AGBL1: variants seen among roughly 807,000 people sequenced by gnomAD.
AGBL1 encodes the protein cytosolic carboxypeptidase 4.
A neutral mutation model predicts 118.9 loss-of-function variants in AGBL1; 130 were observed. That is an observed-to-expected ratio of 1.09 (90% CI 0.95 to 1.26). AGBL1 has a LOEUF of 1.26. Among genes scored for constraint, AGBL1 ranks in the 50% most tolerant of loss-of-function variants. AGBL1 has a pLI of 0.00. For synonymous variants in AGBL1, 555 were observed against 478.9 expected (o/e 1.16, Z -2.08); for missense variants, 1,584 against 1,298.1 (o/e 1.22, Z -3.38).
intron 17 of AGBL1, among the ~76,000 whole-genome samples, chr15:86,303,795 A>C (rs1044581638): frequency 6.6e-6 from 1 of 152,146 alleles, no homozygotes; most frequent in African/African-American, 2.4e-5. Context: ...TGATATAATG[A>C]TTTGCATATT....
At chr15:86,737,106 G>C (rs968413133) in intron 22 of AGBL1, among the ~76,000 whole-genome samples, 9 of 152,192 alleles carry the variant, frequency 5.9e-5, no homozygotes, top group Non-Finnish European at 1.2e-4. Context: ...TCAAATTGCT[G>C]ATAGAGAAGA....
At chr15:86,756,943 CTT>C (rs11383287) in intron 22 of AGBL1, among the ~76,000 whole-genome samples, 12 of 142,850 alleles carry the variant, frequency 8.4e-5, no homozygotes, top group East Asian at 2.1e-4. Context: ...ATAAACATGT[CTT>C]TTTTTTTTTT....
At chr15:86,959,680 ACTTTTTCTCTCCTTTCTTACTCTTTCCTT>A (rs1243414223) in intron 23 of AGBL1, among the ~76,000 whole-genome samples, 14 of 151,972 alleles carry the variant, frequency 9.2e-5, no homozygotes, top group Non-Finnish European at 2.9e-5. Context: ...AGCTTCTGTC[ACTTTTTCTCTCCTTTCTTACTCTTTCCTT>A]CTTTTTCTCT....
chr15:86,637,524 G>C (rs947520429), intron 21 of AGBL1, among the ~76,000 whole-genome samples: 1 of 152,160 alleles, frequency 6.6e-6, no homozygotes, highest in African/African-American at 2.4e-5. Context: ...GGAACTTAAA[G>C]GCGTGTTAAT....
chr15:86,683,762 T>G (rs2086004756), intron 22 of AGBL1, among the ~76,000 whole-genome samples: 1 of 152,232 alleles, frequency 6.6e-6, no homozygotes, highest in Admixed American at 6.5e-5. Context: ...CCTTGTCTTT[T>G]GTTGTCAATT....
chr15:86,861,374 G>T (rs986897401), intron 22 of AGBL1, among the ~76,000 whole-genome samples: 8 of 152,260 alleles, frequency 5.3e-5, no homozygotes, highest in Non-Finnish European at 1.0e-4. Context: ...ATGTTCTAAG[G>T]ACTGTCTCAA....
chr15:86,095,407 G>C (rs1597385864), intron 1 of AGBL1, among the ~76,000 whole-genome samples: 1 of 152,076 alleles, frequency 6.6e-6, no homozygotes, highest in African/African-American at 2.4e-5. Flanking sequence ...TCCTGAATCT[G>C]TCTAGGGTCC....
intron 22 of AGBL1, among the ~76,000 whole-genome samples, chr15:86,857,198 A>C (rs1007975423): frequency 6.6e-6 from 1 of 152,174 alleles, no homozygotes; most frequent in Non-Finnish European, 1.5e-5. Flanking sequence ...GGATTCAGCT[A>C]TTACTGTCCA....
chr15:86,639,840 T>A (rs1282490201), intron 21 of AGBL1, among the ~76,000 whole-genome samples: 1 of 152,178 alleles, frequency 6.6e-6, no homozygotes, highest in East Asian at 1.9e-4. Context: ...ATTTTCAGCC[T>A]CATCACATTA....
At chr15:86,371,740 T>C (rs932986630) in intron 17 of AGBL1, among the ~76,000 whole-genome samples, 1 of 152,086 alleles carries the variant, frequency 6.6e-6, no homozygotes, top group African/African-American at 2.4e-5. Flanking sequence ...AAAATATTTT[T>C]ATGAGGGTGA....
intron 22 of AGBL1, among the ~76,000 whole-genome samples, chr15:86,698,415 C>T (rs1470809): frequency 0.45 from 68,566 of 151,182 alleles, 16,051 homozygotes; most frequent in East Asian, 0.73. Context: ...TGCCTCAGTA[C>T]GAATAAGGAT....
At chr15:86,463,287 TG>T (rs1432327715) in intron 18 of AGBL1, among the ~76,000 whole-genome samples, 11 of 151,662 alleles carry the variant, frequency 7.3e-5, no homozygotes, top group Non-Finnish European at 1.2e-4. Flanking sequence ...TGGGGTTGTT[TG>T]TTTTTTTTTT....
chr15:86,587,437 T>C (rs559703359), intron 21 of AGBL1, among the ~76,000 whole-genome samples: 1 of 152,212 alleles, frequency 6.6e-6, no homozygotes, highest in South Asian at 2.1e-4. Flanking sequence ...GATGAGATTA[T>C]ATTTGGTTGC....
chr15:86,814,044 T>C (rs1224352806), intron 22 of AGBL1, among the ~76,000 whole-genome samples: 1 of 152,132 alleles, frequency 6.6e-6, no homozygotes, highest in African/African-American at 2.4e-5. Context: ...AGCCGGATGC[T>C]TTAGACCGGG....
intron 21 of AGBL1, among the ~76,000 whole-genome samples, chr15:86,642,525 G>A (rs1006267511): frequency 1.3e-5 from 2 of 151,870 alleles, no homozygotes; most frequent in African/African-American, 4.8e-5. Context: ...GTGTTAAAGA[G>A]TATTCATATT....
chr15:86,716,764 A>G (rs570364879), intron 22 of AGBL1, among the ~76,000 whole-genome samples: 2 of 152,314 alleles, frequency 1.3e-5, no homozygotes, highest in South Asian at 4.1e-4. Context: ...AACCAAATTT[A>G]TTTTACTCAA....
At position 86,295,292 on chromosome 15, in the gene AGBL1, A is replaced by G; in HGVS notation, c.2258A>G (p.Lys753Arg). 1 of 1,613,662 alleles carries G rather than the reference A, an allele frequency of 6.2e-7. No homozygotes were observed. The highest frequency in any genetic ancestry group is 8.5e-7 in the Non-Finnish European group (1 of 1,179,696). ...ATCCTGGAAAAGAGTGTCAACCTCA[A>G]AGAGGTCTACTTCCGGCAAGATGTT... ...LDILEKSVNL[K>R]EVYFRQDVLC... The change falls in exon 17 of 23, where the codon AAA becomes AGA. Residue 753 changes from lysine (K) to arginine (R), a missense_variant. Transcript: ENST00000614907.
intron 21 of AGBL1, among the ~76,000 whole-genome samples, chr15:86,556,021 C>T (rs2083728702): frequency 6.6e-6 from 1 of 152,158 alleles, no homozygotes; most frequent in South Asian, 2.1e-4. Context: ...AAAGACAACT[C>T]CATGTAACTC....
intron 18 of AGBL1, among the ~76,000 whole-genome samples, chr15:86,416,129 A>T (rs1463222490): frequency 6.6e-6 from 1 of 152,154 alleles, no homozygotes; most frequent in Non-Finnish European, 1.5e-5. Flanking sequence ...TTCATAAACA[A>T]ACAAACCAAC....
Sources: allele counts gnomAD v4.1 joint callset (sites outside exome capture counted in the v4.1 genomes callset), GRCh38; gene constraint gnomAD v4.1.1; transcripts MANE v1.5; gene names NCBI Gene and HGNC (gene_info 2026-07-23, HGNC 2026-07-21).